The following C8orf34 variants were observed in gnomAD, a reference collection of about 807,000 sequenced individuals.
The protein encoded by C8orf34 is uncharacterized protein C8orf34.
Under a neutral mutation model 68.3 loss-of-function variants are expected in C8orf34, and 65 were observed. The ratio of observed to expected loss-of-function variants is 0.95; its 90% confidence interval spans 0.78 to 1.17. C8orf34 has a LOEUF of 1.17. Among genes scored for constraint, C8orf34 ranks in the 50% most tolerant of loss-of-function variants. The pLI is 0.00. For synonymous variants in C8orf34, 244 were observed against 241.2 expected (o/e 1.01, Z -0.11); for missense variants, 664 against 655.4 (o/e 1.01, Z -0.14).
intron 7 of C8orf34, among the ~76,000 whole-genome samples, chr8:68,561,095 A>G (rs1199017814): frequency 6.6e-6 from 1 of 150,828 alleles, no homozygotes; most frequent in Non-Finnish European, 1.5e-5. Context: ...TGATCCTTCC[A>G]GTGTAGTCTC....
chr8:68,744,293 G>A (rs200347263), intron 10 of C8orf34, among the ~76,000 whole-genome samples: 162 of 151,396 alleles, frequency 1.1e-3, no homozygotes, highest in African/African-American at 3.5e-3. Context: ...AAAAAACAGA[G>A]CAGAAAAACT....
chr8:68,469,252 GC>G (rs1252706577), intron 4 of C8orf34, among the ~76,000 whole-genome samples: 1 of 151,942 alleles, frequency 6.6e-6, no homozygotes, highest in Non-Finnish European at 1.5e-5. Context: ...TCTTTTCAGA[GC>G]CTAGCACAAT....
chr8:68,454,859 C>A (rs1419684010), intron 3 of C8orf34, among the ~76,000 whole-genome samples: 7 of 151,890 alleles, frequency 4.6e-5, no homozygotes, highest in Non-Finnish European at 1.0e-4. Flanking sequence ...TGACATCTTT[C>A]TTCTTTATTA....
chr8:68,454,709 CTGATTTTCTCTAT>C (rs1300518917), intron 3 of C8orf34, among the ~76,000 whole-genome samples: 1 of 151,788 alleles, frequency 6.6e-6, no homozygotes, highest in Non-Finnish European at 1.5e-5. Context: ...TTTGGTTTTG[CTGATTTTCTCTAT>C]TGTTTTTCTA....
chr8:68,734,231 A>G (rs1209490744), intron 10 of C8orf34, among the ~76,000 whole-genome samples: 1 of 152,132 alleles, frequency 6.6e-6, no homozygotes, highest in Non-Finnish European at 1.5e-5. Context: ...AGAAATGGCC[A>G]TGTAGGGTCT....
intron 1 of C8orf34, among the ~76,000 whole-genome samples, chr8:68,388,322 G>A (rs1191967781): frequency 6.6e-6 from 1 of 152,094 alleles, no homozygotes; most frequent in African/African-American, 2.4e-5. Flanking sequence ...AGCCCCAGTG[G>A]AGTCTGACAT....
At chr8:68,680,564 G>A (rs1488479646) in intron 8 of C8orf34, among the ~76,000 whole-genome samples, 1 of 152,076 alleles carries the variant, frequency 6.6e-6, no homozygotes, top group African/African-American at 2.4e-5. Flanking sequence ...TAGCTACAAA[G>A]ATCACATGCT....
At chr8:68,705,762 GCTTGT>G (rs1245609585) in intron 8 of C8orf34, among the ~76,000 whole-genome samples, 2 of 151,758 alleles carry the variant, frequency 1.3e-5, no homozygotes, top group Non-Finnish European at 2.9e-5. Context: ...AGAGAAGTGA[GCTTGT>G]TCATATGCTG....
intron 10 of C8orf34, among the ~76,000 whole-genome samples, chr8:68,731,015 A>G (rs531888204): frequency 6.6e-6 from 1 of 152,312 alleles, no homozygotes; most frequent in Non-Finnish European, 1.5e-5. Context: ...AAGAGAAAAA[A>G]AGTAATATGG....
chr8:68,589,591 A>AGGAG, intron 7 of C8orf34, among the ~76,000 whole-genome samples: 1 of 134,470 alleles, frequency 7.4e-6, no homozygotes, highest in South Asian at 2.4e-4. Flanking sequence ...GGAAGGATGA[A>AGGAG]GGAAGGAAGG....
chr8:68,368,050 C>A (rs1807389939), intron 1 of C8orf34, among the ~76,000 whole-genome samples: 1 of 150,350 alleles, frequency 6.7e-6, no homozygotes, highest in African/African-American at 2.4e-5. Flanking sequence ...TTACTTTCTT[C>A]TGTATTTTAA....
intron 3 of C8orf34, among the ~76,000 whole-genome samples, chr8:68,452,192 AT>A (rs1811373370): frequency 1.3e-5 from 2 of 150,832 alleles, no homozygotes; most frequent in African/African-American, 4.9e-5. Context: ...ATATACAAGC[AT>A]TTTTATTACC....
chr8:68,491,089 T>A (rs1032441520), intron 5 of C8orf34, among the ~76,000 whole-genome samples: 2 of 152,234 alleles, frequency 1.3e-5, no homozygotes, highest in African/African-American at 4.8e-5. Flanking sequence ...TGGAATTTTT[T>A]AACCATCATT....
chr8:68,660,186 A>C (rs995596651), intron 8 of C8orf34, among the ~76,000 whole-genome samples: 1 of 152,140 alleles, frequency 6.6e-6, no homozygotes, highest in African/African-American at 2.4e-5. Context: ...TTTTCCCTCA[A>C]AGGAATCCCA....
intron 7 of C8orf34, among the ~76,000 whole-genome samples, chr8:68,559,944 T>C (rs776251058): frequency 1.3e-5 from 2 of 152,038 alleles, no homozygotes; most frequent in African/African-American, 2.4e-5. Flanking sequence ...GAGAGGAACA[T>C]TGGGTTTCAG....
At chr8:68,777,174 C>T (rs1823543824) in intron 11 of C8orf34, among the ~76,000 whole-genome samples, 2 of 152,158 alleles carry the variant, frequency 1.3e-5, no homozygotes, top group East Asian at 1.9e-4. Context: ...TTTGTGGTTG[C>T]CCAAGCTCTT....
chr8:68,387,435 A>G (rs751139394), intron 1 of C8orf34, among the ~76,000 whole-genome samples: 103 of 152,170 alleles, frequency 6.8e-4, no homozygotes, highest in Non-Finnish European at 1.2e-3. Flanking sequence ...TTAAATAGGA[A>G]GTATAATTGA....
At chr8:68,350,465 A>T (rs1806465150) in intron 1 of C8orf34, among the ~76,000 whole-genome samples, 1 of 151,922 alleles carries the variant, frequency 6.6e-6, no homozygotes, top group South Asian at 2.1e-4. Flanking sequence ...TCCAATATTG[A>T]ATTTAGGTTC....
chr8:68,656,954 G>A (rs555463722), intron 8 of C8orf34, among the ~76,000 whole-genome samples: 36 of 152,290 alleles, frequency 2.4e-4, no homozygotes, highest in African/African-American at 6.7e-4. Context: ...GTAAAAGGTC[G>A]TTTGGGAGAA....
Sources: allele counts gnomAD v4.1 joint callset (sites outside exome capture counted in the v4.1 genomes callset), GRCh38; gene constraint gnomAD v4.1.1; transcripts MANE v1.5; gene names NCBI Gene and HGNC (gene_info 2026-07-23, HGNC 2026-07-21).